Variants in OSBPL1A observed in about 807,000 individuals in gnomAD.
OSBPL1A encodes oxysterol-binding protein-related protein 1.
Under a neutral mutation model 137.1 loss-of-function variants are expected in OSBPL1A, and 80 were observed. The observed-to-expected ratio is 0.58, with a 90% CI of 0.49 to 0.70. The LOEUF (loss-of-function observed/expected upper bound fraction) is 0.70. Ranked by LOEUF, OSBPL1A falls within the 30% of genes least tolerant of loss-of-function variation. The pLI, the probability that OSBPL1A is intolerant of heterozygous loss-of-function variation, is 0.00. For missense variants in OSBPL1A, 970 were observed against 1,129.4 expected (o/e 0.86, Z 2.02); for synonymous variants, 365 against 389.7 (o/e 0.94, Z 0.75).
chr18:24,348,771 C>G (rs1197105809), intron 4 of OSBPL1A, among the ~76,000 whole-genome samples: 1 of 150,666 alleles, frequency 6.6e-6, no homozygotes, highest in Non-Finnish European at 1.5e-5. Context: ...GAGACTGTCT[C>G]AAAAAAGAAA....
At chr18:24,330,708 G>A (rs1049718052) in intron 7 of OSBPL1A, among the ~76,000 whole-genome samples, 4 of 152,136 alleles carry the variant, frequency 2.6e-5, no homozygotes, top group African/African-American at 9.7e-5. Flanking sequence ...ACAGGCGTGA[G>A]CCACAGTGCC....
chr18:24,270,730 T>G (rs1433901748), intron 15 of OSBPL1A, among the ~76,000 whole-genome samples: 2 of 152,168 alleles, frequency 1.3e-5, no homozygotes, highest in Non-Finnish European at 2.9e-5. Flanking sequence ...AGTTTGTATT[T>G]AGACACCCCC....
intron 13 of OSBPL1A, among the ~76,000 whole-genome samples, chr18:24,304,722 G>A (rs1455314103): frequency 6.6e-6 from 1 of 152,028 alleles, no homozygotes; most frequent in Non-Finnish European, 1.5e-5. Context: ...GGTGGCATAG[G>A]TAAATACTCT....
intron 13 of OSBPL1A, among the ~76,000 whole-genome samples, chr18:24,307,025 G>A (rs922948183): frequency 2.6e-5 from 4 of 151,176 alleles, no homozygotes; most frequent in African/African-American, 9.7e-5. Context: ...GGGAGGCTGA[G>A]GCAAAAGAAT....
chr18:24,229,133 T>C (rs1009541098), intron 16 of OSBPL1A, among the ~76,000 whole-genome samples: 1 of 151,874 alleles, frequency 6.6e-6, no homozygotes, highest in African/African-American at 2.4e-5. Flanking sequence ...ACCCAGGAGG[T>C]GGAGGTTGCA....
intron 16 of OSBPL1A, among the ~76,000 whole-genome samples, chr18:24,228,199 C>CT (rs2088150773): frequency 6.6e-6 from 1 of 152,094 alleles, no homozygotes. Flanking sequence ...ACCCTGTCCT[C>CT]TGTGATTAGC....
intron 17 of OSBPL1A, among the ~76,000 whole-genome samples, chr18:24,221,240 C>A (rs1325795374): frequency 1.3e-5 from 2 of 152,198 alleles, no homozygotes; most frequent in African/African-American, 4.8e-5. Flanking sequence ...TGTTTACCTT[C>A]AATTCGTGGG....
chr18:24,356,135 C>T (rs1472833636), intron 4 of OSBPL1A, among the ~76,000 whole-genome samples: 1 of 151,814 alleles, frequency 6.6e-6, no homozygotes, highest in Admixed American at 6.6e-5. Flanking sequence ...GAGATCGCGC[C>T]ACTGCATTCC....
intron 15 of OSBPL1A, among the ~76,000 whole-genome samples, chr18:24,264,682 G>A (rs1033037797): frequency 1.1e-4 from 16 of 152,328 alleles, no homozygotes; most frequent in Admixed American, 3.9e-4. Context: ...TTGGCCATCT[G>A]CTTATCTTAT....
intron 4 of OSBPL1A, chr18:24,358,521 A>C: frequency 1.4e-6 from 1 of 702,324 alleles, no homozygotes; most frequent in Non-Finnish European, 2.6e-6. Context: ...TCTAGAACAA[A>C]TTATATGTAT....
chr18:24,322,678 A>G (rs1224420371), intron 7 of OSBPL1A, among the ~76,000 whole-genome samples: 1 of 152,160 alleles, frequency 6.6e-6, no homozygotes, highest in Non-Finnish European at 1.5e-5. Flanking sequence ...GAAAGACAAC[A>G]CTATGATTTC....
Position 24,162,904 on chromosome 18 carries a change from C to T in OSBPL1A, c.*275G>A, listed in dbSNP as rs2086053061. The T allele has an allele frequency of 8.7e-6, 2 of 230,340 alleles. No homozygotes were observed. Among genetic ancestry groups the T allele is most frequent in the Admixed American group, 5.5e-5 (1 of 18,070 alleles). The allele number at this position is 230,340 out of a possible 1,614,324, so 14.3% of individuals were successfully genotyped here. A position where few individuals can be genotyped will look rare whatever the true frequency, so the allele number is the denominator to read the frequency against. ...CTTCAGTAAATATGGCAACAGCAAC[C>T]ATAAAAAGCATATTCCCCAGCAGTG... is the stretch of plus-strand genomic sequence containing the variant. On this transcript the variant is annotated 3_prime_UTR_variant, in exon 28 of 28. Coordinates refer to ENST00000319481, the MANE Select transcript of OSBPL1A (RefSeq NM_080597.4).
chr18:24,323,342 C>T (rs916827066), intron 7 of OSBPL1A, among the ~76,000 whole-genome samples: 1 of 150,500 alleles, frequency 6.6e-6, no homozygotes, highest in African/African-American at 2.5e-5. Flanking sequence ...CGCTTGATGC[C>T]AGCAGTTCGA....
At chr18:24,348,378 C>A (rs1261835434) in intron 4 of OSBPL1A, among the ~76,000 whole-genome samples, 1 of 152,152 alleles carries the variant, frequency 6.6e-6, no homozygotes, top group Admixed American at 6.5e-5. Flanking sequence ...TCATTTTAAT[C>A]TTCACAAAAA....
rs180972243 is a variant in OSBPL1A, at chr18:24,397,352, G to T, written c.-3+303C>A. Among the ~76,000 whole-genome samples, 5 of 152,216 alleles carry T rather than the reference G, an allele frequency of 3.3e-5. 1 individual carries two copies. The highest frequency in any genetic ancestry group is 3.3e-4 in the Admixed American group (5 of 15,280). The stretch of plus-strand genomic sequence containing the variant: ...GGCACGCAGCTGAAGATCTGGTAGG[G>T]GATGCATGCGGCACCAGCATGGTCG... On this transcript the variant is annotated intron_variant, in intron 1 of 27. Transcript: ENST00000319481.
intron 20 of OSBPL1A, 128 bp downstream of exon 20, chr18:24,179,610 T>G: frequency 2.7e-6 from 2 of 738,802 alleles, no homozygotes; most frequent in Admixed American, 4.8e-5. Context: ...ATAGCTATCC[T>G]AGAAACAAAC....
intron 17 of OSBPL1A, among the ~76,000 whole-genome samples, chr18:24,213,543 G>A (rs2087605615): frequency 6.6e-6 from 1 of 152,050 alleles, no homozygotes; most frequent in Admixed American, 6.6e-5. Flanking sequence ...CCTCCAGGCT[G>A]GATGATAGAG....
At chr18:24,303,761 G>A in intron 13 of OSBPL1A, 43 bp from the exon 14 acceptor site, 1 of 1,475,594 alleles carries the variant, frequency 6.8e-7, no homozygotes, top group Non-Finnish European at 9.5e-7. Context: ...AGTAATAAAA[G>A]ATTTTACATT....
chr18:24,250,798 G>A (rs2089064069), intron 15 of OSBPL1A, among the ~76,000 whole-genome samples: 1 of 152,196 alleles, frequency 6.6e-6, no homozygotes, highest in Admixed American at 6.5e-5. Flanking sequence ...CAATAAGCAG[G>A]CTCTTAGTGT....
Sources: gnomAD v4.1 joint callset for allele counts (sites outside exome capture counted in the v4.1 genomes callset) on GRCh38, gnomAD v4.1.1 for gene constraint, MANE v1.5 for transcripts, NCBI Gene and HGNC (gene_info 2026-07-23, HGNC 2026-07-21) for gene names.